The following PRKDC variants were observed in gnomAD, a reference collection of about 807,000 sequenced individuals.
PRKDC encodes the protein protein kinase, DNA-activated, catalytic subunit.
PRKDC carries 82 observed loss-of-function variants against 486.9 expected under a neutral mutation model. The ratio of observed to expected loss-of-function variants is 0.17; its 90% CI spans 0.14 to 0.20. PRKDC has a LOEUF of 0.20. Ranked by LOEUF, PRKDC falls within the 10% of genes least tolerant of loss-of-function variation. The pLI is 1.00. For synonymous variants in PRKDC, 1,895 were observed against 1,837.0 expected (o/e 1.03, Z -0.81); for missense variants, 4,504 against 5,038.2 (o/e 0.89, Z 3.21).
In PRKDC at chr8:47,885,206, A is replaced by G. The variant is rs1589765032; in HGVS notation, c.4776+738T>C. Among the ~76,000 whole-genome samples, 3 of 152,180 alleles carry G rather than the reference A, an allele frequency of 2.0e-5. No homozygotes were observed. The South Asian group carries it at 6.2e-4, about 31-fold the overall frequency. On this transcript the variant is annotated intron_variant, in intron 36 of 85. Coordinates refer to ENST00000314191, the MANE Select transcript of PRKDC (RefSeq NM_006904.7). ...CGCTTCATTACTCAGGCTGGAGTGC[A>G]GTGGGCATGATCTCAGCTCACTGCA... is the stretch of plus-strand genomic sequence containing the variant.
chr8:47,927,016 T>C lies in PRKDC; in HGVS notation c.2419+178A>G. The C allele has an allele frequency of 9.1e-6, 6 of 662,336 alleles. No homozygotes were observed. In the South Asian group the frequency reaches 1.2e-4, roughly 13 times the overall value. 41.0% of individuals were successfully genotyped at this position (662,336 alleles called of 1,614,324 possible). ...GAAAAATTTTTTAATACCTCAACTA[T>C]ATTTCTTTATCACAATTAGAGTCAG... On this transcript the variant is annotated intron_variant, in intron 21 of 85. Coordinates refer to ENST00000314191, the MANE Select transcript of PRKDC (RefSeq NM_006904.7).
At chr8:47,900,554 A>G (rs1475675951) in intron 27 of PRKDC, 87 bp from the exon 28 acceptor site, 29 of 1,254,026 alleles carry the variant, frequency 2.3e-5, no homozygotes, top group South Asian at 4.1e-5. Context: ...TAAAGAAGGC[A>G]CACATTAATT....
At chr8:47,932,746 A>G (rs2090278447) in intron 16 of PRKDC, among the ~76,000 whole-genome samples, 2 of 152,122 alleles carry the variant, frequency 1.3e-5, no homozygotes, top group African/African-American at 2.4e-5. Context: ...ACTCTTTACT[A>G]TTGCTAAGGA....
chr8:47,818,821 A>G (rs536824366), intron 67 of PRKDC, among the ~76,000 whole-genome samples: 1 of 152,348 alleles, frequency 6.6e-6, no homozygotes, highest in East Asian at 1.9e-4. Context: ...TGAAATTCAG[A>G]TTAACAAACA....
Position 47,900,433 on chromosome 8 carries a change from C to T in PRKDC, c.3304G>A (p.Glu1102Lys), listed in dbSNP as rs1210464572. Reference sequence around the variant, plus strand: ...CTCTCCATGTATATCACCAAGGCTTCAAACACAAACTGTTCCACCAGAGAC... The same window carrying T: ...CTCTCCATGTATATCACCAAGGCTTTAAACACAAACTGTTCCACCAGAGAC... ...EESLVEQFVF[E>K]ALVIYMESLA... The change falls in exon 28 of 86, where the codon GAA becomes AAA. Residue 1102 changes from glutamate (E) to lysine (K), a missense_variant. Transcript: ENST00000314191. The T allele has an allele frequency of 1.2e-6, 2 of 1,611,452 alleles. No individual in the cohort carries two copies. Among genetic ancestry groups the T allele is most frequent in the Admixed American group, 1.7e-5 (1 of 59,658 alleles).
intron 84 of PRKDC, 87 bp downstream of exon 84, chr8:47,777,599 A>T: frequency 2.4e-6 from 3 of 1,266,032 alleles, no homozygotes; most frequent in Non-Finnish European, 2.2e-6. Flanking sequence ...ACATGACTCA[A>T]TGCACTTCCA....
chr8:47,796,537 T>C (rs574209155), intron 73 of PRKDC, among the ~76,000 whole-genome samples: 4 of 152,238 alleles, frequency 2.6e-5, no homozygotes, highest in African/African-American at 7.2e-5. Flanking sequence ...ATTTTGTAGA[T>C]TGCCGAAGTC....
Position 47,953,657 on chromosome 8 carries a change from G to A in PRKDC, c.684C>T (p.Ser228=), listed in dbSNP as rs1340552587. ...ACTTAGTGAAGTTGCACAGAAGTGA[G>A]GACAACCCCTTCAGACATCCTGCCA... ...PVLAGCLKGL[S]SLLCNFTKSM... The change falls in exon 7 of 86, where the codon TCC becomes TCT. Residue 228 remains serine, a synonymous_variant. Coordinates refer to ENST00000314191, the MANE Select transcript of PRKDC (RefSeq NM_006904.7). 1 of 1,613,630 alleles carries A rather than the reference G, an allele frequency of 6.2e-7. No homozygotes were observed. Among genetic ancestry groups the A allele is most frequent in the Non-Finnish European group, 8.5e-7 (1 of 1,179,742 alleles).
At chr8:47,933,569 T>C (rs2090295302) in intron 15 of PRKDC, among the ~76,000 whole-genome samples, 1 of 152,186 alleles carries the variant, frequency 6.6e-6, no homozygotes, top group Non-Finnish European at 1.5e-5. Context: ...CATGCACATA[T>C]ACTTATGTGC....
At position 47,783,731 on chromosome 8, in the gene PRKDC, C is replaced by G. The variant is rs1406247530; in HGVS notation, c.11175+11G>C. On this transcript the variant is annotated intron_variant, in intron 78 of 85. Transcript: ENST00000314191. ...CAGGACAGGGACTGGGTCACACACC[C>G]TCACACCTACCCGCTCATCAAACCC... 10 of 1,613,920 alleles carry G rather than the reference C, an allele frequency of 6.2e-6. No homozygotes were observed. The South Asian group carries it at 1.1e-4, about 18-fold the overall frequency.
rs2086629143 is a variant in PRKDC at position 47,777,682 on chromosome 8, C to T, written c.12042+4G>A. On this transcript the variant is annotated splice_donor_region_variant and intron_variant, in intron 84 of 85. Transcript: ENST00000314191. ...GTGAAAAGTGCACATGAAACAAAAC[C>T]TACTTTCCAATCAAAGGAGGGCTCC... The T allele has an allele frequency of 6.3e-7, 1 of 1,576,702 alleles. No individual in the cohort carries two copies.
At chr8:47,868,515 G>A (rs2088868608) in intron 40 of PRKDC, among the ~76,000 whole-genome samples, 1 of 152,124 alleles carries the variant, frequency 6.6e-6, no homozygotes, top group Admixed American at 6.5e-5. Flanking sequence ...AGTGAGCCAT[G>A]ATCATGCCAC....
At chr8:47,798,123 G>C in intron 73 of PRKDC, 114 bp downstream of exon 73, 1 of 1,114,466 alleles carries the variant, frequency 9.0e-7, no homozygotes, top group Non-Finnish European at 1.2e-6. Flanking sequence ...ATTCACAGCT[G>C]GCTGGGAAAA....
intron 63 of PRKDC, 50 bp from the exon 64 acceptor site, chr8:47,824,046 A>G (rs764836103): frequency 6.3e-6 from 9 of 1,434,392 alleles, no homozygotes; most frequent in South Asian, 1.7e-5. Flanking sequence ...CAGTATTTTA[A>G]AAGTATTTAT....
intron 39 of PRKDC, 37 bp from the exon 40 acceptor site, chr8:47,877,888 G>A: frequency 7.2e-7 from 1 of 1,387,924 alleles, no homozygotes; most frequent in Non-Finnish European, 9.5e-7. Flanking sequence ...AAATTTTGTT[G>A]GGTTTTACTT....
At chr8:47,929,751 C>A in intron 18 of PRKDC, 102 bp downstream of exon 18, 1 of 1,251,442 alleles carries the variant, frequency 8.0e-7, no homozygotes, top group Non-Finnish European at 1.1e-6. Context: ...AATTAGTAGA[C>A]TTTAAAACTG....
At chr8:47,936,045 G>T in intron 12 of PRKDC, 145 bp from the exon 13 acceptor site, 1 of 852,450 alleles carries the variant, frequency 1.2e-6, no homozygotes, top group Non-Finnish European at 1.7e-6. Context: ...TGCTTAACAT[G>T]TATTACTGTG....
chr8:47,799,737 T>C (rs574815871), intron 71 of PRKDC, among the ~76,000 whole-genome samples: 67 of 152,132 alleles, frequency 4.4e-4, no homozygotes, highest in African/African-American at 1.5e-3. Flanking sequence ...CAGATGCTAG[T>C]AGCATCATGG....
Position 47,877,704 on chromosome 8 carries a change from C to T in PRKDC, c.5363+20G>A. On this transcript the variant is annotated intron_variant, in intron 40 of 85. Coordinates refer to ENST00000314191, the MANE Select transcript of PRKDC (RefSeq NM_006904.7). ...CTGAAATGCGTATGGTTCCTGAGAT[C>T]CCAGGCCAGAATGACTTACCTTCTG... is the stretch of plus-strand genomic sequence containing the variant. 6.4e-7 allele frequency: 1 copy of T among 1,561,316 alleles called. No individual in the cohort carries two copies. The highest frequency in any genetic ancestry group is 8.7e-7 in the Non-Finnish European group (1 of 1,152,630).
Sources: gnomAD v4.1 joint callset for allele counts (sites outside exome capture counted in the v4.1 genomes callset) on GRCh38, gnomAD v4.1.1 for gene constraint, MANE v1.5 for transcripts, NCBI Gene and HGNC (gene_info 2026-07-23, HGNC 2026-07-21) for gene names.